Variants in MCTP1 observed in about 807,000 individuals in gnomAD.
MCTP1 encodes the protein multiple C2 and transmembrane domain-containing protein 1.
A neutral mutation model predicts 120.6 loss-of-function variants in MCTP1; 69 were observed. The observed-to-expected ratio is 0.57, with a 90% CI of 0.47 to 0.70. The LOEUF is 0.70. Ranked by LOEUF, MCTP1 falls within the 30% of genes least tolerant of loss-of-function variation. MCTP1 has a pLI of 0.00. For missense variants in MCTP1, 1,203 were observed against 1,248.8 expected (o/e 0.96, Z 0.55); for synonymous variants, 529 against 493.1 (o/e 1.07, Z -0.96).
At chr5:95,161,257 G>A (rs964196940) in intron 1 of MCTP1, among the ~76,000 whole-genome samples, 4 of 152,068 alleles carry the variant, frequency 2.6e-5, no homozygotes, top group South Asian at 2.1e-4. Flanking sequence ...GATAGTATTC[G>A]GCCTCATAAA....
chr5:95,245,854 G>T (rs1756707324), intron 1 of MCTP1, among the ~76,000 whole-genome samples: 1 of 152,256 alleles, frequency 6.6e-6, no homozygotes, highest in South Asian at 2.1e-4. Flanking sequence ...TCCTGGAGAA[G>T]AGCAACCCCA....
At chr5:95,103,239 A>C (rs1756869319) in intron 1 of MCTP1, among the ~76,000 whole-genome samples, 1 of 152,102 alleles carries the variant, frequency 6.6e-6, no homozygotes, top group South Asian at 2.1e-4. Flanking sequence ...AACATCACAA[A>C]TATATACGTA....
intron 2 of MCTP1, among the ~76,000 whole-genome samples, chr5:95,014,919 T>C (rs1009483164): frequency 1.3e-5 from 2 of 152,058 alleles, no homozygotes; most frequent in Non-Finnish European, 2.9e-5. Context: ...CACTCCAACC[T>C]TCAACAACCA....
Position 94,872,449 on chromosome 5 carries a change from C to T in MCTP1, c.2036+690G>A, listed in dbSNP as rs1400098305. Among the ~76,000 whole-genome samples the T allele has an allele frequency of 4.6e-5, 7 of 152,054 alleles. No homozygotes were observed. The East Asian group carries it at 5.8e-4, about 13-fold the overall frequency. On this transcript the variant is annotated intron_variant, in intron 13 of 22. Coordinates refer to ENST00000515393, the MANE Select transcript of MCTP1 (RefSeq NM_024717.7). ...GACATAATAAATTGATGAAGAATTT[C>T]GCAGTTTTTCATATACAAAAAAATA... is the stretch of plus-strand genomic sequence containing the variant.
intron 1 of MCTP1, among the ~76,000 whole-genome samples, chr5:95,076,678 A>C (rs1239449802): frequency 6.6e-6 from 1 of 152,228 alleles, no homozygotes; most frequent in Non-Finnish European, 1.5e-5. Context: ...GAGCCACAGA[A>C]ATCAAATGTA....
chr5:94,873,026 C>G lies in MCTP1; in HGVS notation c.2036+113G>C, dbSNP rs370296575. ...GTTGTTAGCAAAGGCAGGCCAGATG[C>G]ATTGAGTTGTGAATCAGTTAAGAAT... On this transcript the variant is annotated intron_variant, in intron 13 of 22. Transcript: ENST00000515393. 12 of 684,848 alleles carry G rather than the reference C, an allele frequency of 1.8e-5. No homozygotes were observed. In the East Asian group the frequency reaches 3.1e-4, roughly 18 times the overall value. The allele number at this position is 684,848 out of a possible 1,614,324, so 42.4% of individuals were successfully genotyped here.
At chr5:94,780,857 G>T (rs1467830419) in intron 18 of MCTP1, among the ~76,000 whole-genome samples, 2 of 152,094 alleles carry the variant, frequency 1.3e-5, no homozygotes, top group Non-Finnish European at 2.9e-5. Flanking sequence ...TTTAAACAGG[G>T]TTGATCAGAT....
At chr5:94,738,995 T>G (rs1764906958) in intron 19 of MCTP1, among the ~76,000 whole-genome samples, 1 of 152,224 alleles carries the variant, frequency 6.6e-6, no homozygotes, top group Non-Finnish European at 1.5e-5. Context: ...AGCAGTAGCT[T>G]CATGTCAATG....
At chr5:95,281,952 T>C (rs572590447) in intron 1 of MCTP1, among the ~76,000 whole-genome samples, 1 of 152,374 alleles carries the variant, frequency 6.6e-6, no homozygotes, top group South Asian at 2.1e-4. Flanking sequence ...TGGAAAAAGA[T>C]TCTGGAGACT....
rs561898914 is a variant in MCTP1 at position 95,212,418 on chromosome 5, G to A, written c.720+71438C>T. Reference sequence around the variant, plus strand: ...TCCAGGACCAGATGGATTCACAGCCGAATTCTACCAGAGGTACAAGGAGGA... The same window carrying A: ...TCCAGGACCAGATGGATTCACAGCCAAATTCTACCAGAGGTACAAGGAGGA... On this transcript the variant is annotated intron_variant, in intron 1 of 22. Transcript: ENST00000515393. Among the ~76,000 whole-genome samples, 122 of 151,904 alleles carry A rather than the reference G, an allele frequency of 8.0e-4. 1 individual carries two copies. Among genetic ancestry groups the A allele is most frequent in the Admixed American group, 2.0e-3 (30 of 15,234 alleles).
At chr5:95,062,490 A>G (rs947789232) in intron 1 of MCTP1, among the ~76,000 whole-genome samples, 2 of 152,208 alleles carry the variant, frequency 1.3e-5, no homozygotes, top group Admixed American at 6.5e-5. Flanking sequence ...CCCTCCCTGC[A>G]TTAAGCTTCA....
intron 19 of MCTP1, among the ~76,000 whole-genome samples, chr5:94,766,880 C>T (rs1561599200): frequency 6.6e-6 from 1 of 152,124 alleles, no homozygotes; most frequent in African/African-American, 2.4e-5. Flanking sequence ...CAATTCTTTT[C>T]AAACTGTTTC....
At chr5:95,212,558 C>G (rs994043778) in intron 1 of MCTP1, among the ~76,000 whole-genome samples, 1 of 151,792 alleles carries the variant, frequency 6.6e-6, no homozygotes, top group Middle Eastern at 3.4e-3. Context: ...CAGACACAAC[C>G]AAAAAAGAGA....
intron 1 of MCTP1, among the ~76,000 whole-genome samples, chr5:95,246,670 T>C (rs987799723): frequency 6.6e-6 from 1 of 152,166 alleles, no homozygotes; most frequent in Non-Finnish European, 1.5e-5. Context: ...AGCAAGTCCT[T>C]AGAGACCTAC....
chr5:95,186,887 G>A (rs1031839018), intron 1 of MCTP1, among the ~76,000 whole-genome samples: 1 of 152,134 alleles, frequency 6.6e-6, no homozygotes, highest in South Asian at 2.1e-4. Flanking sequence ...AATACATCCA[G>A]TGGCTTTTAA....
intron 2 of MCTP1, among the ~76,000 whole-genome samples, chr5:94,998,582 C>T (rs561123562): frequency 2.0e-4 from 31 of 152,238 alleles, no homozygotes; most frequent in Non-Finnish European, 4.1e-4. Flanking sequence ...AGTGTGAAGA[C>T]ATTGGGGGTC....
At chr5:95,260,539 C>T (rs1758380575) in intron 1 of MCTP1, among the ~76,000 whole-genome samples, 1 of 151,982 alleles carries the variant, frequency 6.6e-6, no homozygotes, top group South Asian at 2.1e-4. Flanking sequence ...CTATTGATTC[C>T]TGGTCTGATG....
intron 1 of MCTP1, among the ~76,000 whole-genome samples, chr5:95,215,923 C>T (rs1427435359): frequency 6.6e-6 from 1 of 151,946 alleles, no homozygotes; most frequent in African/African-American, 2.4e-5. Context: ...GAATTCAAAA[C>T]AAAAATATAC....
At chr5:94,862,703 T>C (rs2153233872) in intron 17 of MCTP1, among the ~76,000 whole-genome samples, 1 of 151,932 alleles carries the variant, frequency 6.6e-6, no homozygotes, top group East Asian at 2.0e-4. Context: ...GGAATTTATA[T>C]GTAATGCACT....
Sources: allele counts gnomAD v4.1 joint callset (sites outside exome capture counted in the v4.1 genomes callset), GRCh38; gene constraint gnomAD v4.1.1; transcripts MANE v1.5; gene names NCBI Gene and HGNC (gene_info 2026-07-23, HGNC 2026-07-21).